Variants in GSE1 observed in about 807,000 individuals in gnomAD.
The protein encoded by GSE1 is Gse1 coiled-coil protein, also known as genetic suppressor element 1.
A neutral mutation model predicts 112.6 loss-of-function variants in GSE1; 32 were observed. The ratio of observed to expected loss-of-function variants is 0.28; its 90% CI spans 0.21 to 0.38. The LOEUF (loss-of-function observed/expected upper bound fraction) is 0.38, where lower values mean the gene tolerates loss of function less well. Ranked by LOEUF, GSE1 falls within the 10% of genes least tolerant of loss-of-function variation. The pLI, the probability that GSE1 is intolerant of heterozygous loss-of-function variation, is 1.00. For synonymous variants in GSE1, 1,115 were observed against 735.6 expected (o/e 1.52, Z -8.35); for missense variants, 2,348 against 1,699.2 (o/e 1.38, Z -6.71).
intron 1 of GSE1, among the ~76,000 whole-genome samples, chr16:85,290,939 A>G (rs1275447618): frequency 6.6e-6 from 1 of 152,074 alleles, no homozygotes; most frequent in Non-Finnish European, 1.5e-5. Context: ...CGGGTCCCCA[A>G]GCAGGGAGCA....
At chr16:85,454,333 C>T (rs1168557762) in intron 2 of GSE1, among the ~76,000 whole-genome samples, 2 of 152,218 alleles carry the variant, frequency 1.3e-5, no homozygotes, top group African/African-American at 4.8e-5. Flanking sequence ...GTGGCAGTGG[C>T]CCTGGAGGGC....
intron 2 of GSE1, among the ~76,000 whole-genome samples, chr16:85,500,629 C>T (rs963671407): frequency 2.6e-5 from 4 of 152,226 alleles, no homozygotes; most frequent in Non-Finnish European, 4.4e-5. Flanking sequence ...ATCGGCCAGC[C>T]GCTCTGCTCT....
rs113401809 is a variant in GSE1, at chr16:85,646,181, A to G, written c.227-2371A>G. 8.7e-3 allele frequency among the ~76,000 whole-genome samples: 1,078 copies of G among 124,582 alleles called. 214 individuals carry two copies. Among genetic ancestry groups the G allele is most frequent in the African/African-American group, 0.042 (999 of 24,040 alleles). 81.7% of individuals were successfully genotyped at this position (124,582 alleles called of 152,430 possible). A position where few individuals can be genotyped will look rare whatever the true frequency, so the allele number is the denominator to read the frequency against. On this transcript the variant is annotated intron_variant, in intron 2 of 15. Transcript: ENST00000253458. ...ACCACGCTTCCTATGCATGCATTCTACCTGCTTCTACCACGCTTCCTATGC... is the reference window on the plus strand; with the variant it reads ...ACCACGCTTCCTATGCATGCATTCTGCCTGCTTCTACCACGCTTCCTATGC...
chr16:85,293,976 A>G (rs1362698580), intron 1 of GSE1, among the ~76,000 whole-genome samples: 1 of 152,178 alleles, frequency 6.6e-6, no homozygotes, highest in African/African-American at 2.4e-5. Context: ...AGCAATGCCA[A>G]CCCAGCATGA....
At chr16:85,221,335 C>T (rs1425502077) in intron 1 of GSE1, among the ~76,000 whole-genome samples, 2 of 96,858 alleles carry the variant, frequency 2.1e-5, no homozygotes, top group Non-Finnish European at 4.6e-5. Flanking sequence ...CACACACACA[C>T]CCCAAGTACA....
intron 1 of GSE1, among the ~76,000 whole-genome samples, chr16:85,231,819 C>T (rs1251240498): frequency 6.6e-6 from 1 of 152,210 alleles, no homozygotes; most frequent in African/African-American, 2.4e-5. Context: ...TTGTCTCAGC[C>T]TAAAATGATG....
At position 85,624,816 on chromosome 16, in the gene GSE1, C is replaced by G. The variant is rs370917667; in HGVS notation, c.8-9098C>G. ...CATGGGGAGAATGTGACAAGGGACC[C>G]CAGGTACCGCCAAGGGCACAGGGTG... On this transcript the variant is annotated intron_variant, in intron 1 of 15. Transcript: ENST00000253458. Among the ~76,000 whole-genome samples the G allele has an allele frequency of 8.4e-3, 1,282 of 152,308 alleles. 17 individuals are homozygous for G. Among genetic ancestry groups the G allele is most frequent in the African/African-American group, 0.029 (1,220 of 41,554 alleles).
chr16:85,583,136 G>C (rs1231012525), intron 1 of GSE1, among the ~76,000 whole-genome samples: 2 of 152,128 alleles, frequency 1.3e-5, no homozygotes, highest in Non-Finnish European at 2.9e-5. Context: ...AATTCTGGGG[G>C]ACGGTAGGAA....
At chr16:85,284,202 G>C (rs28660239) in intron 1 of GSE1, among the ~76,000 whole-genome samples, 6 of 152,242 alleles carry the variant, frequency 3.9e-5, no homozygotes, top group African/African-American at 1.4e-4. Context: ...TCTGCCCGGC[G>C]GGTCGTGCTT....
intron 2 of GSE1, among the ~76,000 whole-genome samples, chr16:85,367,900 A>C (rs2047217501): frequency 7.4e-6 from 1 of 135,532 alleles, no homozygotes; most frequent in Non-Finnish European, 1.5e-5. Flanking sequence ...CCCAGGCTAG[A>C]GTGCAATGGC....
chr16:85,276,378 G>A (rs1334073446), intron 1 of GSE1, among the ~76,000 whole-genome samples: 1 of 152,234 alleles, frequency 6.6e-6, no homozygotes, highest in Non-Finnish European at 1.5e-5. Flanking sequence ...GTACGCACTG[G>A]ACCAGGAAGT....
chr16:85,359,296 C>A, intron 2 of GSE1: 1 of 436,920 alleles, frequency 2.3e-6, no homozygotes, highest in South Asian at 1.6e-5. Context: ...TGGAGGGCTC[C>A]GAGGAGGAGG....
intron 2 of GSE1, among the ~76,000 whole-genome samples, chr16:85,442,693 C>G (rs1384757994): frequency 6.6e-6 from 1 of 152,218 alleles, no homozygotes; most frequent in Non-Finnish European, 1.5e-5. Flanking sequence ...GGCGACCCAT[C>G]AGGTGGAGAG....
chr16:85,577,117 G>A (rs991993210), intron 1 of GSE1, among the ~76,000 whole-genome samples: 21 of 151,358 alleles, frequency 1.4e-4, no homozygotes, highest in African/African-American at 5.1e-4. Context: ...CCGGCCAGGG[G>A]CATCACAGTC....
At chr16:85,668,652 C>T (rs1019692548) in intron 14 of GSE1, among the ~76,000 whole-genome samples, 4 of 152,192 alleles carry the variant, frequency 2.6e-5, no homozygotes, top group African/African-American at 9.6e-5. Context: ...ATGATGCCAG[C>T]TCTGGTGGCA....
At chr16:85,402,939 A>G (rs953635681) in intron 2 of GSE1, among the ~76,000 whole-genome samples, 11 of 151,958 alleles carry the variant, frequency 7.2e-5, no homozygotes, top group Admixed American at 5.2e-4. Flanking sequence ...ATTGCCCCAA[A>G]ACTTCGTGGC....
chr16:85,669,849 C>T (rs2053184219), intron 14 of GSE1, among the ~76,000 whole-genome samples: 1 of 152,212 alleles, frequency 6.6e-6, no homozygotes, highest in Non-Finnish European at 1.5e-5. Context: ...TGCCCTCTTC[C>T]CTGCCTCACT....
At chr16:85,196,131 A>G (rs1476467414) in intron 1 of GSE1, among the ~76,000 whole-genome samples, 1 of 152,228 alleles carries the variant, frequency 6.6e-6, no homozygotes, top group Admixed American at 6.5e-5. Context: ...TTTGCTGCCA[A>G]ACGAGTTAAG....
intron 1 of GSE1, among the ~76,000 whole-genome samples, chr16:85,271,609 G>A (rs532252285): frequency 2.6e-5 from 4 of 152,340 alleles, no homozygotes; most frequent in South Asian, 2.1e-4. Context: ...GCTTCGCAGC[G>A]TGTACTGAGA....
Sources: allele counts gnomAD v4.1 joint callset (sites outside exome capture counted in the v4.1 genomes callset), GRCh38; gene constraint gnomAD v4.1.1; transcripts MANE v1.5; gene names NCBI Gene and HGNC (gene_info 2026-07-23, HGNC 2026-07-21).